The following SETBP1 variants were observed in gnomAD, a reference collection of about 807,000 sequenced individuals.
The protein encoded by SETBP1 is SET-binding protein.
A neutral mutation model predicts 101.0 loss-of-function variants in SETBP1; 9 were observed. That is an observed-to-expected ratio of 0.09 (90% CI 0.05 to 0.16). The LOEUF is 0.16. SETBP1 is among the 10% of genes least tolerant of loss of function. The pLI is 1.00. For missense variants in SETBP1, 1,858 were observed against 2,033.8 expected (o/e 0.91, Z 1.66); for synonymous variants, 818 against 788.5 (o/e 1.04, Z -0.63).
chr18:44,938,895 G>A (rs1269380411), intron 3 of SETBP1, among the ~76,000 whole-genome samples: 1 of 151,818 alleles, frequency 6.6e-6, no homozygotes. Flanking sequence ...CTTGCGGGCC[G>A]CCCTATGTTT....
chr18:45,043,330 G>T (rs974256832), intron 5 of SETBP1, among the ~76,000 whole-genome samples: 2 of 150,060 alleles, frequency 1.3e-5, no homozygotes, highest in African/African-American at 4.9e-5. Context: ...AGCAATAATG[G>T]GAAGACAAGT....
intron 4 of SETBP1, among the ~76,000 whole-genome samples, chr18:44,956,110 T>G (rs1291121130): frequency 6.6e-6 from 1 of 152,210 alleles, no homozygotes. Flanking sequence ...TGTTGGTGGC[T>G]GCTACATCTA....
intron 4 of SETBP1, among the ~76,000 whole-genome samples, chr18:45,037,349 CT>C (rs1039235926): frequency 1.3e-5 from 2 of 152,054 alleles, no homozygotes; most frequent in African/African-American, 4.8e-5. Context: ...AGAACTGACC[CT>C]TTGCTTGCTG....
intron 4 of SETBP1, among the ~76,000 whole-genome samples, chr18:45,001,166 T>C (rs894671929): frequency 2.0e-5 from 3 of 152,156 alleles, no homozygotes; most frequent in Non-Finnish European, 4.4e-5. Flanking sequence ...GCAGCATGAA[T>C]TGGGACTGAC....
chr18:44,859,459 G>C (rs2144627919), intron 2 of SETBP1, among the ~76,000 whole-genome samples: 1 of 152,312 alleles, frequency 6.6e-6, no homozygotes, highest in African/African-American at 2.4e-5. Flanking sequence ...ATGGATGGCT[G>C]AGACAGAGAA....
rs1450088213 is a variant in SETBP1 at position 44,950,582 on chromosome 18, C to A, written c.1242C>A (p.Thr414=). The A allele has an allele frequency of 3.7e-6, 6 of 1,613,922 alleles. No individual in the cohort carries two copies. The highest frequency in any genetic ancestry group is 4.2e-6 in the Non-Finnish European group (5 of 1,180,030). ...IPIKAPSLDP[T]NHKRKKRQSI... ...TCAAGGCACCCTCTCTGGATCCAAC[C>A]AACCATAAGAGGAAAAAAAGACAGT... Residue 414 remains threonine, a synonymous_variant, in exon 4 of 6, where the codon ACC becomes ACA. Transcript: ENST00000649279.
intron 2 of SETBP1, among the ~76,000 whole-genome samples, chr18:44,742,978 T>G (rs73487116): frequency 2.5e-5 from 2 of 79,796 alleles, no homozygotes; most frequent in Non-Finnish European, 6.2e-5. Flanking sequence ...TCTCCCCCCC[T>G]GTCCCGTTAC....
At chr18:44,777,895 T>C (rs1034811303) in intron 2 of SETBP1, among the ~76,000 whole-genome samples, 3 of 152,244 alleles carry the variant, frequency 2.0e-5, no homozygotes, top group Non-Finnish European at 2.9e-5. Flanking sequence ...TGATTAGTAC[T>C]TTCTGTGCAA....
Position 44,950,484 on chromosome 18 carries a change from C to T in SETBP1, c.1144C>T (p.Pro382Ser), listed in dbSNP as rs764464793. 7.4e-6 allele frequency: 12 copies of T among 1,614,130 alleles called. No homozygotes were observed. The highest frequency in any genetic ancestry group is 2.2e-5 in the East Asian group (1 of 44,874). Residue 382 changes from proline (P) to serine (S), a missense_variant, in exon 4 of 6, where the codon CCA becomes TCA. By Grantham distance (74) the Pro-to-Ser change is moderately conservative. Coordinates refer to ENST00000649279, the MANE Select transcript of SETBP1 (RefSeq NM_015559.3). ...YSADSAQEAS[P>S]ARQNVSSASN... Reference sequence around the variant, plus strand: ...CGCAGATAGTGCCCAAGAGGCATCACCAGCCAGGCAGAACGTGAGTTCTGC... The same window carrying T: ...CGCAGATAGTGCCCAAGAGGCATCATCAGCCAGGCAGAACGTGAGTTCTGC...
Position 44,774,915 on chromosome 18 carries a change from T to TC in SETBP1, c.486+73085dup, listed in dbSNP as rs2070963046. Among the ~76,000 whole-genome samples, 3 of 151,274 alleles carry TC rather than the reference T, an allele frequency of 2.0e-5. No individual in the cohort carries two copies. In the South Asian group the frequency reaches 6.3e-4, roughly 32 times the overall value. On this transcript the variant is annotated intron_variant, in intron 2 of 5. Transcript: ENST00000649279. ...GCTTTTACTTGGTGTTTTTTTTTTT[T>TC]CCTTTTTCTTTTTCCTTAGTCAGAG...
At chr18:44,969,119 T>C (rs2071784577) in intron 4 of SETBP1, among the ~76,000 whole-genome samples, 1 of 152,178 alleles carries the variant, frequency 6.6e-6, no homozygotes, top group Non-Finnish European at 1.5e-5. Flanking sequence ...TTTCTCCTCA[T>C]ATCCACTGAA....
At chr18:44,688,497 T>G (rs2068874361) in intron 1 of SETBP1, among the ~76,000 whole-genome samples, 6 of 151,072 alleles carry the variant, frequency 4.0e-5, no homozygotes, top group Admixed American at 4.0e-4. Context: ...TTTTTTGAGA[T>G]GAAGTCTTGT....
At chr18:44,800,361 C>A (rs969259845) in intron 2 of SETBP1, among the ~76,000 whole-genome samples, 1 of 152,104 alleles carries the variant, frequency 6.6e-6, no homozygotes, top group Non-Finnish European at 1.5e-5. Flanking sequence ...ATGAAAAAAG[C>A]AGGGATTTAT....
At chr18:44,855,890 T>C (rs2072966202) in intron 2 of SETBP1, among the ~76,000 whole-genome samples, 1 of 152,160 alleles carries the variant, frequency 6.6e-6, no homozygotes, top group African/African-American at 2.4e-5. Context: ...ATATTTTGCC[T>C]GGGCGTGTCA....
At chr18:44,741,590 CT>C (rs1448833537) in intron 2 of SETBP1, among the ~76,000 whole-genome samples, 1 of 151,792 alleles carries the variant, frequency 6.6e-6, no homozygotes, top group Non-Finnish European at 1.5e-5. Context: ...AGATAATTGC[CT>C]TAGTTGCTAA....
At chr18:44,698,076 G>A (rs1381204307) in intron 1 of SETBP1, among the ~76,000 whole-genome samples, 3 of 152,176 alleles carry the variant, frequency 2.0e-5, no homozygotes. Context: ...CTTTTAAGGC[G>A]AGATCAGTAT....
At chr18:45,049,701 C>A (rs1599495269) in intron 5 of SETBP1, among the ~76,000 whole-genome samples, 1 of 152,110 alleles carries the variant, frequency 6.6e-6, no homozygotes, top group East Asian at 1.9e-4. Flanking sequence ...CTACAGGGAG[C>A]CATTGAAGGC....
chr18:44,745,508 A>G (rs1263924320), intron 2 of SETBP1, among the ~76,000 whole-genome samples: 1 of 152,228 alleles, frequency 6.6e-6, no homozygotes, highest in Non-Finnish European at 1.5e-5. Flanking sequence ...GATAGAAGGA[A>G]GGCATGCCTG....
chr18:44,720,894 C>G (rs1159320503), intron 2 of SETBP1, among the ~76,000 whole-genome samples: 1 of 139,874 alleles, frequency 7.1e-6, no homozygotes, highest in Non-Finnish European at 1.5e-5. Context: ...AGCAATGGAG[C>G]CCTCCAACCC....
Sources: gnomAD v4.1 joint callset for allele counts (sites outside exome capture counted in the v4.1 genomes callset) on GRCh38, gnomAD v4.1.1 for gene constraint, MANE v1.5 for transcripts, NCBI Gene and HGNC (gene_info 2026-07-23, HGNC 2026-07-21) for gene names.